DNAH9: variants seen among roughly 807,000 people sequenced by gnomAD.
DNAH9 encodes the protein dynein axonemal heavy chain 9, also known as DNAH9 variant protein.
In DNAH9, 345 loss-of-function variants were observed where a neutral mutation model predicts 471.6. The ratio of observed to expected loss-of-function variants is 0.73; its 90% confidence interval spans 0.67 to 0.80. The LOEUF is 0.80. Ranked by LOEUF, DNAH9 falls within the 30% of genes least tolerant of loss-of-function variation. DNAH9 has a pLI of 0.00. For synonymous variants in DNAH9, 2,093 were observed against 2,123.6 expected (o/e 0.99, Z 0.40); for missense variants, 5,407 against 5,609.2 (o/e 0.96, Z 1.15).
chr17:11,798,419 C>T (rs1969330030), intron 43 of DNAH9, among the ~76,000 whole-genome samples: 2 of 98,824 alleles, frequency 2.0e-5, no homozygotes, highest in Non-Finnish European at 1.8e-5. Context: ...GGCGACAGAG[C>T]AAGACTCTGC....
chr17:11,769,371 G>A, intron 38 of DNAH9, 42 bp downstream of exon 38: 1 of 1,544,000 alleles, frequency 6.5e-7, no homozygotes, highest in Non-Finnish European at 8.8e-7. Context: ...CATCTGGGTG[G>A]CCGTGTCACC....
chr17:11,644,073 C>T (rs540357449), intron 10 of DNAH9, among the ~76,000 whole-genome samples: 2 of 152,130 alleles, frequency 1.3e-5, no homozygotes, highest in Non-Finnish European at 2.9e-5. Context: ...CACTTTTATA[C>T]GATTGGCAGC....
chr17:11,715,948 GCTCTAACAGGAC>G (rs2074952476), intron 26 of DNAH9, among the ~76,000 whole-genome samples: 1 of 152,076 alleles, frequency 6.6e-6, no homozygotes, highest in African/African-American at 2.4e-5. Flanking sequence ...AGAGATGAGC[GCTCTAACAGGAC>G]CTCAGAGAGA....
At chr17:11,701,537 A>G (rs1013761500) in intron 24 of DNAH9, among the ~76,000 whole-genome samples, 1 of 152,198 alleles carries the variant, frequency 6.6e-6, no homozygotes, top group African/African-American at 2.4e-5. Flanking sequence ...CCTACTTTCT[A>G]TGTGCCAAGC....
chr17:11,694,869 CTTCT>C (rs1318402018), intron 22 of DNAH9, among the ~76,000 whole-genome samples: 4 of 284 alleles, frequency 0.014, 2 homozygotes, highest in East Asian at 0.071. Context: ...TCCTTCCTTC[CTTCT>C]TTCTTTCTTT....
At chr17:11,704,975 A>C in intron 25 of DNAH9, 50 bp from the exon 26 acceptor site, 218 of 1,528,222 alleles carry the variant, frequency 1.4e-4, no homozygotes, top group Non-Finnish European at 1.8e-4. Context: ...TGGCCAAGGG[A>C]CTACCTGCTG....
At chr17:11,753,518 T>A (rs1356065086) in intron 33 of DNAH9, among the ~76,000 whole-genome samples, 7 of 152,082 alleles carry the variant, frequency 4.6e-5, no homozygotes, top group African/African-American at 1.4e-4. Flanking sequence ...ATACAAAAAA[T>A]TAGCTAGGCG....
intron 12 of DNAH9, among the ~76,000 whole-genome samples, chr17:11,650,518 C>A (rs2073483517): frequency 6.6e-6 from 1 of 152,172 alleles, no homozygotes. Flanking sequence ...GAAATGCCAG[C>A]AGAGAGTTAC....
intron 32 of DNAH9, 93 bp from the exon 33 acceptor site, chr17:11,752,740 T>G: frequency 4.8e-6 from 5 of 1,035,246 alleles, no homozygotes; most frequent in Non-Finnish European, 4.1e-6. Flanking sequence ...GTACGCCCCC[T>G]TCTGTGTGTT....
chr17:11,936,419 G>A (rs1391321154), intron 65 of DNAH9, among the ~76,000 whole-genome samples: 2 of 152,136 alleles, frequency 1.3e-5, no homozygotes, highest in Non-Finnish European at 2.9e-5. Context: ...CACTTGAGCT[G>A]ATGAGTTAGA....
intron 22 of DNAH9, among the ~76,000 whole-genome samples, chr17:11,699,011 G>A (rs1446853145): frequency 6.6e-6 from 1 of 152,112 alleles, no homozygotes; most frequent in Non-Finnish European, 1.5e-5. Flanking sequence ...AGCACTTTGG[G>A]AGGCCAAGGG....
At chr17:11,673,559 A>C (rs2074002881) in intron 17 of DNAH9, among the ~76,000 whole-genome samples, 1 of 149,026 alleles carries the variant, frequency 6.7e-6, no homozygotes, top group Admixed American at 6.7e-5. Context: ...TTTTGTATGC[A>C]CTCCTTTACA....
At chr17:11,939,409 G>C (rs1974824278) in intron 66 of DNAH9, among the ~76,000 whole-genome samples, 1 of 152,200 alleles carries the variant, frequency 6.6e-6, no homozygotes, top group Non-Finnish European at 1.5e-5. Context: ...AATGGGGTGT[G>C]TATGTGCTTG....
intron 49 of DNAH9, among the ~76,000 whole-genome samples, chr17:11,851,804 A>G (rs774707318): frequency 2.6e-5 from 4 of 151,978 alleles, no homozygotes; most frequent in Non-Finnish European, 5.9e-5. Flanking sequence ...TGTCACTAAA[A>G]CCAAAAGAGT....
At chr17:11,694,588 C>T (rs1597488988) in intron 22 of DNAH9, 141 bp downstream of exon 22, 1 of 695,744 alleles carries the variant, frequency 1.4e-6, no homozygotes, top group East Asian at 3.0e-5. Context: ...CCAGCATCAT[C>T]ACATACCTCG....
chr17:11,717,115 C>T (rs1483609420), intron 26 of DNAH9, among the ~76,000 whole-genome samples: 3 of 152,246 alleles, frequency 2.0e-5, no homozygotes, highest in South Asian at 4.1e-4. Flanking sequence ...TCACCCTAAC[C>T]CTGACTCACC....
At chr17:11,784,122 G>C (rs1597642653) in intron 40 of DNAH9, among the ~76,000 whole-genome samples, 178 bp from the exon 41 acceptor site, 2 of 152,118 alleles carry the variant, frequency 1.3e-5, no homozygotes, top group South Asian at 4.2e-4. Flanking sequence ...AAGGTGCTTT[G>C]CCTGTTATTC....
At chr17:11,859,229 A>G (rs957225442) in intron 50 of DNAH9, among the ~76,000 whole-genome samples, 1 of 152,000 alleles carries the variant, frequency 6.6e-6, no homozygotes, top group Non-Finnish European at 1.5e-5. Context: ...CTCGGCCCAC[A>G]TGGTGAAACC....
At chr17:11,843,863 G>GTGTGTGTATATATATA (rs1253794533) in intron 49 of DNAH9, among the ~76,000 whole-genome samples, 103 of 46,462 alleles carry the variant, frequency 2.2e-3, no homozygotes, top group African/African-American at 4.5e-3. Flanking sequence ...GTGTGTGTGT[G>GTGTGTGTATATATATA]TATATATATA....
Sources: allele counts gnomAD v4.1 joint callset (sites outside exome capture counted in the v4.1 genomes callset), GRCh38; gene constraint gnomAD v4.1.1; transcripts MANE v1.5; gene names NCBI Gene and HGNC (gene_info 2026-07-23, HGNC 2026-07-21).